Variants in NEBL observed in about 807,000 individuals in gnomAD.
NEBL encodes the protein nebulette.
Under a neutral mutation model 140.2 loss-of-function variants are expected in NEBL, and 122 were observed. That is an observed-to-expected ratio of 0.87 (90% CI 0.75 to 1.01). The LOEUF is 1.01. Ranked by LOEUF, NEBL falls within the 50% of genes least tolerant of loss-of-function variation. NEBL has a pLI of 0.00. For missense variants in NEBL, 1,365 were observed against 1,231.3 expected (o/e 1.11, Z -1.62); for synonymous variants, 436 against 398.9 (o/e 1.09, Z -1.11).
At chr10:21,128,154 G>A (rs1406700090) in intron 2 of NEBL, among the ~76,000 whole-genome samples, 1 of 152,054 alleles carries the variant, frequency 6.6e-6, no homozygotes, top group Non-Finnish European at 1.5e-5. Context: ...AACACAAACA[G>A]TAAATTTTTT....
intron 2 of NEBL, among the ~76,000 whole-genome samples, chr10:21,116,170 G>GTAT (rs1474131450): frequency 6.6e-6 from 1 of 151,168 alleles, no homozygotes; most frequent in Non-Finnish European, 1.5e-5. Flanking sequence ...TAATGTCCTT[G>GTAT]TATTAGCTCA....
chr10:20,933,982 G>GT (rs929759544), intron 4 of NEBL, among the ~76,000 whole-genome samples: 2 of 151,744 alleles, frequency 1.3e-5, no homozygotes, highest in African/African-American at 4.8e-5. Flanking sequence ...CTTTACTTTT[G>GT]TATTTTTTGT....
chr10:21,267,444 TG>T (rs1368283099), intron 1 of NEBL, among the ~76,000 whole-genome samples: 1 of 152,240 alleles, frequency 6.6e-6, no homozygotes, highest in Non-Finnish European at 1.5e-5. Flanking sequence ...TTTGGATAGT[TG>T]GGAAAAAAAA....
chr10:20,810,017 A>G, intron 24 of NEBL, 119 bp from the exon 25 acceptor site: 1 of 724,140 alleles, frequency 1.4e-6, no homozygotes, highest in Non-Finnish European at 2.4e-6. Context: ...TAGATATAAG[A>G]AGCAAACATG....
At position 21,215,950 on chromosome 10, in the gene NEBL, C is replaced by T. The variant is rs552434547; in HGVS notation, n.348+31971G>A. On this transcript the variant is annotated intron_variant and non_coding_transcript_variant, in intron 3 of 8. Coordinates refer to the NEBL transcript ENST00000675702. ...CCTCCCAAAGTGCTGGAATTATAGG[C>T]GTGAGCCACCGCACCTGCCCTCCCA... is the stretch of plus-strand genomic sequence containing the variant. Among the ~76,000 whole-genome samples the T allele has an allele frequency of 2.8e-4, 43 of 152,270 alleles. 1 individual carries two copies. In the South Asian group the frequency reaches 6.4e-3, roughly 23 times the overall value.
intron 2 of NEBL, among the ~76,000 whole-genome samples, chr10:21,058,820 C>A (rs1270891108): frequency 1.3e-5 from 2 of 152,116 alleles, no homozygotes; most frequent in African/African-American, 4.8e-5. Context: ...ATTCTGAAAT[C>A]AATCATAGTT....
chr10:21,237,966 C>T (rs1214235002), intron 3 of NEBL, among the ~76,000 whole-genome samples: 1 of 152,196 alleles, frequency 6.6e-6, no homozygotes, highest in Non-Finnish European at 1.5e-5. Flanking sequence ...CCTTAGACCC[C>T]TCAGTGATCT....
chr10:21,173,643 C>T lies in NEBL; in HGVS notation c.69+122G>A. The stretch of plus-strand genomic sequence containing the variant: ...TTCGTTCGCGCGCCCTCCCCCCGTG[C>T]CAAGGCACACGCACACGCACCGACC... On this transcript the variant is annotated intron_variant, in intron 1 of 6. Coordinates refer to the NEBL transcript ENST00000417816. This position sits in a 1 kb window ranked among gnomAD's most constrained non-coding sequence, Gnocchi z 5.7. 6.5e-7 allele frequency: 1 copy of T among 1,528,934 alleles called. No homozygotes were observed. The highest frequency in any genetic ancestry group is 2.3e-5 in the East Asian group (1 of 43,542). 94.7% of individuals were successfully genotyped at this position (1,528,934 alleles called of 1,614,324 possible).
At chr10:20,839,646 G>A (rs1190497082) in intron 13 of NEBL, among the ~76,000 whole-genome samples, 1 of 152,096 alleles carries the variant, frequency 6.6e-6, no homozygotes, top group Non-Finnish European at 1.5e-5. Flanking sequence ...TAAAAATTTA[G>A]AATGTTTTCT....
intron 26 of NEBL, among the ~76,000 whole-genome samples, chr10:20,802,299 A>T (rs978291770): frequency 1.3e-5 from 2 of 152,224 alleles, no homozygotes; most frequent in African/African-American, 4.8e-5. Context: ...AATCATCAGG[A>T]TCCTTTTCAC....
chr10:20,879,583 G>A (rs533197478), intron 5 of NEBL, among the ~76,000 whole-genome samples: 12 of 152,198 alleles, frequency 7.9e-5, no homozygotes, highest in East Asian at 1.9e-4. Flanking sequence ...GCCGTTCTGC[G>A]GAAAACACTC....
intron 1 of NEBL, among the ~76,000 whole-genome samples, chr10:21,278,672 G>T (rs1842953958): frequency 6.6e-6 from 1 of 152,220 alleles, no homozygotes. Flanking sequence ...CTGCCAAGAA[G>T]AATGCAGAAA....
intron 2 of NEBL, among the ~76,000 whole-genome samples, chr10:21,078,909 A>G (rs1440297): frequency 0.99 from 151,292 of 152,328 alleles, 75,169 homozygotes; most frequent in Middle Eastern, 1. Context: ...CCAGGGGATG[A>G]GTGTATCCAC....
At chr10:21,016,400 A>G (rs1360330637) in intron 3 of NEBL, among the ~76,000 whole-genome samples, 1 of 152,246 alleles carries the variant, frequency 6.6e-6, no homozygotes, top group East Asian at 1.9e-4. Context: ...TAGCATTTAG[A>G]TGTAAAATAT....
intron 10 of NEBL, among the ~76,000 whole-genome samples, chr10:20,851,988 C>CT (rs11445710): frequency 0.96 from 146,397 of 152,028 alleles, 70,671 homozygotes; most frequent in Middle Eastern, 1. Flanking sequence ...GAACTGACAT[C>CT]TTTGCAACTA....
chr10:21,284,958 G>C (rs1308984746), intron 1 of NEBL, among the ~76,000 whole-genome samples: 1 of 152,080 alleles, frequency 6.6e-6, no homozygotes, highest in Non-Finnish European at 1.5e-5. Context: ...CAGCTACTTG[G>C]AAGACTGAGG....
chr10:21,209,826 G>A (rs776267164), intron 3 of NEBL, among the ~76,000 whole-genome samples: 3 of 152,010 alleles, frequency 2.0e-5, no homozygotes, highest in Non-Finnish European at 4.4e-5. Context: ...TTGCCCTGCT[G>A]GGGAAGGCTA....
chr10:20,787,422 C>T (rs1048356397), intron 26 of NEBL, 114 bp from the exon 27 acceptor site: 50 of 828,280 alleles, frequency 6.0e-5, no homozygotes, highest in Non-Finnish European at 9.3e-5. Flanking sequence ...AACAAAATGC[C>T]TTTTCAGTGT....
At position 20,785,837 on chromosome 10, in the gene NEBL, C is replaced by T. The variant is rs201571938; in HGVS notation, c.2955G>A (p.Gln985=). ...FRDGDYIVNV[Q]PIDDGWMYGT... Reference sequence around the variant, plus strand: ...CGTACATCCAGCCATCGTCAATAGGCTGCACGTTGACGATGTAGTCGCCGT... The same window carrying T: ...CGTACATCCAGCCATCGTCAATAGGTTGCACGTTGACGATGTAGTCGCCGT... Residue 985 remains glutamine, a synonymous_variant, in exon 28 of 28, where the codon CAG becomes CAA. Coordinates refer to ENST00000377122, the MANE Select transcript of NEBL (RefSeq NM_006393.3). The T allele has an allele frequency of 1.2e-6, 2 of 1,614,098 alleles. No homozygotes were observed. Among genetic ancestry groups the T allele is most frequent in the Admixed American group, 3.3e-5 (2 of 60,014 alleles).
Sources: gnomAD v4.1 joint callset for allele counts (sites outside exome capture counted in the v4.1 genomes callset) on GRCh38, gnomAD v4.1.1 for gene constraint, Gnocchi (gnomAD v3.1) non-coding constraint, MANE v1.5 for transcripts, NCBI Gene and HGNC (gene_info 2026-07-23, HGNC 2026-07-21) for gene names.